The following CUBN variants were observed in gnomAD, a reference collection of about 807,000 sequenced individuals.
CUBN encodes 460 kDa receptor.
Under a neutral mutation model 405.3 loss-of-function variants are expected in CUBN, and 282 were observed. The ratio of observed to expected loss-of-function variants is 0.70; its 90% CI spans 0.63 to 0.77. The LOEUF is 0.77. CUBN is among the 30% of genes least tolerant of loss of function. CUBN has a pLI of 0.00. For synonymous variants in CUBN, 1,684 were observed against 1,617.0 expected, an observed-to-expected ratio of 1.04 and a Z score of -0.99; for missense variants, 4,514 against 4,475.2, an observed-to-expected ratio of 1.01 and a Z score of -0.25.
chr10:17,008,911 T>C (rs545583481), intron 28 of CUBN, among the ~76,000 whole-genome samples: 119 of 152,314 alleles, frequency 7.8e-4, no homozygotes, highest in African/African-American at 2.8e-3. Flanking sequence ...CCTTAGTGTC[T>C]GTGGAATGAA....
At chr10:16,903,616 C>T (rs1539405) in intron 51 of CUBN, among the ~76,000 whole-genome samples, 128,049 of 148,020 alleles carry the variant, frequency 0.87, 55,723 homozygotes, top group East Asian at 0.99. Context: ...ATGCAAATTA[C>T]AAAATAATTT....
At chr10:16,890,637 G>T in intron 54 of CUBN, 110 bp from the exon 55 acceptor site, 1 of 1,076,120 alleles carries the variant, frequency 9.3e-7, no homozygotes. Flanking sequence ...CTAAGCATAA[G>T]AGTAAACAAA....
intron 14 of CUBN, among the ~76,000 whole-genome samples, chr10:17,095,101 C>A (rs1342364680): frequency 6.6e-6 from 1 of 151,886 alleles, no homozygotes; most frequent in East Asian, 1.9e-4. Flanking sequence ...GAAATAAGTC[C>A]ATATATTATG....
At chr10:16,928,007 G>C in intron 41 of CUBN, 150 bp downstream of exon 41, 1 of 846,032 alleles carries the variant, frequency 1.2e-6, no homozygotes, top group Non-Finnish European at 1.9e-6. Context: ...TGTAAGGGGA[G>C]CCAGCCATCC....
At chr10:16,827,057 C>T (rs755261354) in intron 66 of CUBN, among the ~76,000 whole-genome samples, 5 of 152,134 alleles carry the variant, frequency 3.3e-5, no homozygotes, top group African/African-American at 4.8e-5. Context: ...CCCCGTGATA[C>T]AGTGTCTGCT....
intron 43 of CUBN, among the ~76,000 whole-genome samples, chr10:16,923,902 T>C (rs1176304816): frequency 2.0e-5 from 3 of 152,084 alleles, no homozygotes; most frequent in African/African-American, 7.2e-5. Context: ...TGAAATCCCA[T>C]GTTTACCAAA....
Position 16,928,445 on chromosome 10 carries a change from G to A in CUBN, c.6125-142C>T, listed in dbSNP as rs573465636. On this transcript the variant is annotated intron_variant, in intron 40 of 66. Coordinates refer to ENST00000377833, the MANE Select transcript of CUBN (RefSeq NM_001081.4). ...AGATAATGGGATCCTCAAAAAGAAG[G>A]ACCCCTCAGGGGTGATATCATTCTG... 3.4e-6 allele frequency: 3 copies of A among 873,164 alleles called. No individual in the cohort carries two copies. In the African/African-American group the frequency reaches 5.0e-5, roughly 15 times the overall value. 54.1% of individuals were successfully genotyped at this position (873,164 alleles called of 1,614,324 possible).
At chr10:16,868,589 A>G (rs559658378) in intron 59 of CUBN, among the ~76,000 whole-genome samples, 1 of 152,340 alleles carries the variant, frequency 6.6e-6, no homozygotes, top group East Asian at 1.9e-4. Flanking sequence ...TGATGCTGTT[A>G]GAATAGCCAA....
At chr10:17,006,022 C>G (rs1299230928) in intron 28 of CUBN, among the ~76,000 whole-genome samples, 3 of 152,166 alleles carry the variant, frequency 2.0e-5, no homozygotes, top group Non-Finnish European at 1.5e-5. Flanking sequence ...AAGGCAGCAT[C>G]CGCAAGCCAA....
intron 19 of CUBN, among the ~76,000 whole-genome samples, chr10:17,069,681 C>T (rs1481151382): frequency 1.3e-5 from 2 of 152,092 alleles, no homozygotes; most frequent in African/African-American, 2.4e-5. Context: ...GTAGCTGAGG[C>T]TACAGGCGTG....
chr10:17,002,919 T>C (rs1015118285), intron 28 of CUBN, among the ~76,000 whole-genome samples: 5 of 152,218 alleles, frequency 3.3e-5, no homozygotes, highest in African/African-American at 1.2e-4. Flanking sequence ...AGTATCACGA[T>C]GCAGAAACCT....
At position 17,045,960 on chromosome 10, in the gene CUBN, G is replaced by A; in HGVS notation, c.3464C>T (p.Ser1155Leu). The A allele has an allele frequency of 1.9e-6, 3 of 1,613,934 alleles. No individual in the cohort carries two copies. The highest frequency in any genetic ancestry group is 2.5e-6 in the Non-Finnish European group (3 of 1,179,942). Residue 1155 changes from serine (S) to leucine (L), a missense_variant, in exon 24 of 67, where the codon TCA becomes TTA. Ser to Leu is a moderately radical substitution (Grantham distance 145, BLOSUM62 -2). Around this residue, in one of 5 missense-constraint regions of CUBN, gnomAD observed 242 missense variants for 309.0 expected, o/e 0.78. Coordinates refer to ENST00000377833, the MANE Select transcript of CUBN (RefSeq NM_001081.4). ...TGTTGATGACCCATCCCAGTAAGCT[G>A]AGAATCCAGACCTTGTGTCTATTTG... ...SDQIDTRSGF[S>L]AYWDGSSTGC... is the part of the protein sequence containing the mutation.
In CUBN at chr10:16,990,385, G is replaced by T. The variant is rs541335017; in HGVS notation, c.4299C>A (p.Ile1433=). 2 of 1,614,154 alleles carry T rather than the reference G, an allele frequency of 1.2e-6. No individual in the cohort carries two copies. Among genetic ancestry groups the T allele is most frequent in the African/African-American group, 2.7e-5 (2 of 75,032 alleles). The change falls in exon 29 of 67, where the codon ATC becomes ATA. Residue 1433 remains isoleucine (I), a synonymous_variant. Transcript: ENST00000377833. ...TDPGSSIQLT[I]HDFDVEYHSR... is the part of the protein sequence containing the mutation. ...AATGATACTCCACATCGAAGTCATGGATGGTGAGCTGAATGCTACTCCCGG... is the reference window on the plus strand; with the variant it reads ...AATGATACTCCACATCGAAGTCATGTATGGTGAGCTGAATGCTACTCCCGG...
chr10:16,982,378 C>T (rs1833298294), intron 31 of CUBN, 106 bp downstream of exon 31: 4 of 1,030,536 alleles, frequency 3.9e-6, no homozygotes, highest in East Asian at 2.5e-5. Context: ...TCCTATGAAT[C>T]GACATTAAAA....
At chr10:16,929,663 T>C (rs576816717) in intron 40 of CUBN, among the ~76,000 whole-genome samples, 1 of 152,336 alleles carries the variant, frequency 6.6e-6, no homozygotes, top group East Asian at 1.9e-4. Flanking sequence ...TGGAAACTTT[T>C]GCATTCTTTA....
At chr10:17,028,468 C>G (rs1288591714) in intron 27 of CUBN, among the ~76,000 whole-genome samples, 1 of 151,846 alleles carries the variant, frequency 6.6e-6, no homozygotes, top group African/African-American at 2.4e-5. Context: ...CGCCTGTAAT[C>G]CCAGCACTTT....
chr10:17,116,783 T>C (rs979275207), intron 6 of CUBN, among the ~76,000 whole-genome samples: 29 of 152,220 alleles, frequency 1.9e-4, no homozygotes, highest in Admixed American at 1.2e-3. Context: ...GGTGGCAGCT[T>C]TTTGGCAGTT....
intron 27 of CUBN, among the ~76,000 whole-genome samples, chr10:17,023,139 G>C (rs1039065178): frequency 1.3e-5 from 2 of 151,798 alleles, no homozygotes; most frequent in Non-Finnish European, 2.9e-5. Context: ...CGCATTGAAG[G>C]AGACCCCTGG....
rs569984046 is a variant in CUBN, at chr10:17,045,829, C to A, written c.3490+105G>T. ...TATTTGCAATATTGAAGTTTAAATA[C>A]AGCTGGGCAAACATGGACAAGTGAG... On this transcript the variant is annotated intron_variant, in intron 24 of 66. Coordinates refer to ENST00000377833, the MANE Select transcript of CUBN (RefSeq NM_001081.4). The A allele has an allele frequency of 1.4e-5, 17 of 1,174,564 alleles. No homozygotes were observed. In the Middle Eastern group the frequency reaches 5.7e-4, roughly 39 times the overall value. The allele number at this position is 1,174,564 out of a possible 1,614,324, so 72.8% of individuals were successfully genotyped here. A position where few individuals can be genotyped will look rare whatever the true frequency, so the allele number is the denominator to read the frequency against.
Sources: gnomAD v4.1 joint callset for allele counts (sites outside exome capture counted in the v4.1 genomes callset) on GRCh38, gnomAD v4.1.1 for gene constraint, gnomAD v4.1.1 regional missense constraint, MANE v1.5 for transcripts, NCBI Gene and HGNC (gene_info 2026-07-23, HGNC 2026-07-21) for gene names.